Variants in MBP observed in about 807,000 individuals in gnomAD.
MBP encodes myelin basic protein, also known as Golli-MBP.
Under a neutral mutation model 35.8 loss-of-function variants are expected in MBP, and 16 were observed. The observed-to-expected ratio is 0.45, with a 90% CI of 0.30 to 0.68. The LOEUF is 0.68. Ranked by LOEUF, MBP falls within the 30% of genes least tolerant of loss-of-function variation. The probability of loss-of-function intolerance (pLI) is 0.08; values close to 1 mark genes in which losing one functional copy is unlikely to be tolerated. For missense variants in MBP, 380 were observed against 404.7 expected (o/e 0.94, Z 0.52); for synonymous variants, 143 against 159.6 (o/e 0.90, Z 0.78).
intron 3 of MBP, among the ~76,000 whole-genome samples, chr18:77,049,170 C>T (rs369779387): frequency 6.7e-6 from 1 of 149,878 alleles, no homozygotes; most frequent in East Asian, 2.0e-4. Context: ...CCGCCCACCT[C>T]GGCCTTCCAA....
At chr18:77,038,953 G>T (rs572535871) in intron 3 of MBP, among the ~76,000 whole-genome samples, 2 of 152,136 alleles carry the variant, frequency 1.3e-5, no homozygotes, top group African/African-American at 4.8e-5. Flanking sequence ...TATGCCTCGG[G>T]GCCAAATCTG....
chr18:77,062,184 A>G (rs721286), intron 3 of MBP, among the ~76,000 whole-genome samples: 62,742 of 152,042 alleles, frequency 0.41, 15,704 homozygotes, highest in African/African-American at 0.71. Flanking sequence ...CCCTTAGTAT[A>G]ATTTAGGGAG....
chr18:77,016,273 T>C (rs1971627098), intron 4 of MBP: 2 of 986,000 alleles, frequency 2.0e-6, no homozygotes, highest in South Asian at 4.7e-5. Flanking sequence ...TAGACACTCA[T>C]TTATCCCTCC....
In MBP at chr18:77,057,983, C is replaced by A. The variant is rs1438888610; in HGVS notation, c.139+8315G>T. Among the ~76,000 whole-genome samples, 482 of 66,220 alleles carry A rather than the reference C, an allele frequency of 7.3e-3. 171 individuals carry two copies. The highest frequency in any genetic ancestry group is 0.011 in the Non-Finnish European group (396 of 37,670). 43.4% of individuals were successfully genotyped at this position (66,220 alleles called of 152,430 possible). ...CTGGGACTACAGGCGCCCGCCACTA[C>A]GCCCGGCTAATTTTTTGTATTTTTT... On this transcript the variant is annotated intron_variant, in intron 3 of 8. Coordinates refer to ENST00000355994, the MANE Select transcript of MBP (RefSeq NM_001025101.2).
chr18:77,099,656 G>C (rs568125961), intron 2 of MBP, among the ~76,000 whole-genome samples: 5 of 152,322 alleles, frequency 3.3e-5, no homozygotes, highest in Admixed American at 2.0e-4. Flanking sequence ...GGGCAGGCCC[G>C]GCCCAGCTCT....
At chr18:77,087,089 A>C (rs1377487730) in intron 2 of MBP, among the ~76,000 whole-genome samples, 2 of 152,046 alleles carry the variant, frequency 1.3e-5, no homozygotes, top group African/African-American at 2.4e-5. Flanking sequence ...GAAAAAAAAA[A>C]CAACAACAAC....
At chr18:77,090,398 C>T (rs969484706) in intron 2 of MBP, among the ~76,000 whole-genome samples, 2 of 152,182 alleles carry the variant, frequency 1.3e-5, no homozygotes, top group Admixed American at 1.3e-4. Context: ...ATGCTTTCAC[C>T]AGCTACCACT....
At chr18:77,071,497 T>C (rs1160588097) in intron 2 of MBP, among the ~76,000 whole-genome samples, 1 of 152,248 alleles carries the variant, frequency 6.6e-6, no homozygotes, top group East Asian at 1.9e-4. Context: ...TTTTAGTTTC[T>C]GTCTCTAGTG....
At chr18:77,105,703 C>T (rs1276304275) in intron 1 of MBP, among the ~76,000 whole-genome samples, 2 of 152,222 alleles carry the variant, frequency 1.3e-5, no homozygotes, top group African/African-American at 4.8e-5. Flanking sequence ...GGTGCTGACA[C>T]TCTTCTAAAA....
rs183485580 is a variant in MBP, at chr18:77,015,705, T to C, written c.576+1127A>G. The C allele has an allele frequency of 2.4e-4, 235 of 985,492 alleles. 2 individuals are homozygous for C. In the East Asian group the frequency reaches 8.8e-3, roughly 37 times the overall value. The allele number at this position is 985,492 out of a possible 1,614,324, so 61.0% of individuals were successfully genotyped here. ...ACAGGAAAGGTAAAACTGACATTTG[T>C]GTTTCTCTTCAACAATTTCATGATC... On this transcript the variant is annotated intron_variant, in intron 4 of 8. Coordinates refer to ENST00000355994, the MANE Select transcript of MBP (RefSeq NM_001025101.2).
rs66698064 is a variant in MBP, at chr18:77,020,214, C to G, written c.140-2946G>C. Among the ~76,000 whole-genome samples, 5 of 151,678 alleles carry G rather than the reference C, an allele frequency of 3.3e-5. No homozygotes were observed. Among genetic ancestry groups the G allele is most frequent in the Non-Finnish European group, 7.4e-5 (5 of 67,974 alleles). ...AGAGGGACAGGGACTGGGAGTCTGG[C>G]TGGGACACTAAGGAAAGAAAGGTCT... On this transcript the variant is annotated intron_variant, in intron 3 of 8. Transcript: ENST00000355994. The surrounding 1 kb of genome is among the most constrained non-coding windows in gnomAD (Gnocchi z 4.1).
chr18:76,988,103 C>T lies in MBP; in HGVS notation c.750+392G>A. 2 of 1,503,894 alleles carry T rather than the reference C, an allele frequency of 1.3e-6. No individual in the cohort carries two copies. Among genetic ancestry groups the T allele is most frequent in the Non-Finnish European group, 1.8e-6 (2 of 1,127,668 alleles). 93.2% of individuals were successfully genotyped at this position (1,503,894 alleles called of 1,614,324 possible). ...CAGCATCTGGGGTCACTGAGACGGG[C>T]CAGCCAGTCCCACTTCCACATGCGG... On this transcript the variant is annotated intron_variant, in intron 7 of 8. Transcript: ENST00000355994. This position sits in a 1 kb window ranked among gnomAD's most constrained non-coding sequence, Gnocchi z 5.2.
At chr18:77,106,559 G>C (rs923459056) in intron 1 of MBP, among the ~76,000 whole-genome samples, 1 of 152,114 alleles carries the variant, frequency 6.6e-6, no homozygotes, top group Admixed American at 6.5e-5. Context: ...TGATGAAACT[G>C]GGGCCCACGA....
rs1599473419 is a variant in MBP at position 76,988,647 on chromosome 18, G to A, written c.718-120C>T. The A allele has an allele frequency of 7.3e-6, 11 of 1,504,268 alleles. No homozygotes were observed. The Admixed American group carries it at 2.2e-4, about 30-fold the overall frequency. 93.2% of individuals were successfully genotyped at this position (1,504,268 alleles called of 1,614,324 possible). A position where few individuals can be genotyped will look rare whatever the true frequency, so the allele number is the denominator to read the frequency against. ...GAGGTGGTAAAAACAGGTTCCACCCGGAGCTCCGAGGGGGGCCGCAGGCTC... is the reference window on the plus strand; with the variant it reads ...GAGGTGGTAAAAACAGGTTCCACCCAGAGCTCCGAGGGGGGCCGCAGGCTC... On this transcript the variant is annotated intron_variant, in intron 6 of 8. Transcript: ENST00000355994. This position sits in a 1 kb window ranked among gnomAD's most constrained non-coding sequence, Gnocchi z 5.2.
At chr18:77,060,736 C>A (rs750391810) in intron 3 of MBP, among the ~76,000 whole-genome samples, 1 of 152,174 alleles carries the variant, frequency 6.6e-6, no homozygotes, top group Non-Finnish European at 1.5e-5. Flanking sequence ...TAGGCATGAG[C>A]CATCATACCC....
chr18:77,015,245 T>G, intron 4 of MBP: 1 of 983,646 alleles, frequency 1.0e-6, no homozygotes, highest in Non-Finnish European at 1.2e-6. Context: ...GATTTCATCT[T>G]TTCTGCACAG....
At chr18:76,992,396 C>G (rs770420861) in intron 4 of MBP, among the ~76,000 whole-genome samples, 2 of 152,168 alleles carry the variant, frequency 1.3e-5, no homozygotes, top group Non-Finnish European at 2.9e-5. Context: ...TAATCTCACT[C>G]GCCCGCTGCT....
chr18:77,118,993 C>T (rs1599275630), intron 1 of MBP, among the ~76,000 whole-genome samples: 1 of 152,338 alleles, frequency 6.6e-6, no homozygotes, highest in East Asian at 1.9e-4. Context: ...AGGACACACT[C>T]ACACTACCCT....
chr18:77,094,737 G>A (rs1975688627), intron 2 of MBP, among the ~76,000 whole-genome samples: 1 of 152,188 alleles, frequency 6.6e-6, no homozygotes, highest in Admixed American at 6.5e-5. Flanking sequence ...GTAGGGCAAT[G>A]GGAGAATAAG....
Sources: allele counts gnomAD v4.1 joint callset (sites outside exome capture counted in the v4.1 genomes callset), GRCh38; gene constraint gnomAD v4.1.1; non-coding constraint Gnocchi (gnomAD v3.1); transcripts MANE v1.5; gene names NCBI Gene and HGNC (gene_info 2026-07-23, HGNC 2026-07-21).